The following ACYP2 variants were observed in gnomAD, a reference collection of about 807,000 sequenced individuals.
ACYP2 encodes acylphosphatase-2.
In ACYP2, 12 loss-of-function variants were observed where a neutral mutation model predicts 11.2. The observed-to-expected ratio is 1.08, with a 90% confidence interval of 0.69 to 1.74. ACYP2 has a LOEUF of 1.74. Among genes scored for constraint, ACYP2 ranks in the 40% most tolerant of loss-of-function variants. The pLI is 0.00. For missense variants in ACYP2, 134 were observed against 101.9 expected, an observed-to-expected ratio of 1.31 and a Z score of -1.35; for synonymous variants, 43 against 32.2, an observed-to-expected ratio of 1.33 and a Z score of -1.13.
At chr2:53,980,594 G>C (rs1168396219) in intron 2 of ACYP2, among the ~76,000 whole-genome samples, 1 of 152,002 alleles carries the variant, frequency 6.6e-6, no homozygotes, top group Non-Finnish European at 1.5e-5. Context: ...TATAAATTTA[G>C]TGTAGCCTAA....
chr2:54,199,834 T>G (rs1684683693), intron 6 of ACYP2, among the ~76,000 whole-genome samples: 1 of 152,228 alleles, frequency 6.6e-6, no homozygotes, highest in South Asian at 2.1e-4. Context: ...TGCACTGCAC[T>G]GTTCTGTCAT....
chr2:54,151,304 C>G (rs1682158716), intron 6 of ACYP2, among the ~76,000 whole-genome samples: 1 of 152,166 alleles, frequency 6.6e-6, no homozygotes, highest in Non-Finnish European at 1.5e-5. Flanking sequence ...TAGGTGGTGT[C>G]AGATTCAAAG....
At chr2:54,124,859 T>C (rs1457822168) in intron 4 of ACYP2, among the ~76,000 whole-genome samples, 2 of 152,144 alleles carry the variant, frequency 1.3e-5, no homozygotes, top group African/African-American at 4.8e-5. Flanking sequence ...AGTGCTATCA[T>C]GTGCTATCTA....
intron 1 of ACYP2, chr2:53,971,460 C>G (rs1187311131): frequency 6.6e-6 from 1 of 152,278 alleles, no homozygotes; most frequent in Admixed American, 6.5e-5. Context: ...TTTTCTGTCC[C>G]CTTTAAGTCC....
intron 6 of ACYP2, among the ~76,000 whole-genome samples, chr2:54,177,965 C>T (rs1158381749): frequency 5.0e-4 from 74 of 146,728 alleles, no homozygotes; most frequent in Admixed American, 3.7e-3. Flanking sequence ...AGTGCAGTGG[C>T]GCCATCTCGG....
Position 54,192,233 on chromosome 2 carries a change from G to A in ACYP2, c.404+53485G>A, listed in dbSNP as rs192855240. 2.0e-5 allele frequency among the ~76,000 whole-genome samples: 3 copies of A among 152,114 alleles called. No homozygotes were observed. The East Asian group carries it at 5.8e-4, about 29-fold the overall frequency. On this transcript the variant is annotated intron_variant, in intron 6 of 6. Transcript: ENST00000607452. ...TTCTTGGGAAATATTTTTTTCTCCTGTATCTGAAAGTATGTCCTTCTTTTT... is the reference window on the plus strand; with the variant it reads ...TTCTTGGGAAATATTTTTTTCTCCTATATCTGAAAGTATGTCCTTCTTTTT...
At chr2:54,229,150 T>C (rs1040150188) in intron 6 of ACYP2, among the ~76,000 whole-genome samples, 2 of 152,124 alleles carry the variant, frequency 1.3e-5, no homozygotes, top group East Asian at 1.9e-4. Flanking sequence ...AAGAGACTTA[T>C]TTTCCTAACT....
At chr2:54,010,737 CTTTTTTTTTTTTTT>C (rs539896151) in intron 2 of ACYP2, among the ~76,000 whole-genome samples, 3 of 107,664 alleles carry the variant, frequency 2.8e-5, no homozygotes, top group African/African-American at 1.1e-4. Flanking sequence ...TTCTTTCTTT[CTTTTTTTTTTTTTT>C]TTTTTTTTTT....
At chr2:53,992,151 C>G (rs1216036785) in intron 2 of ACYP2, among the ~76,000 whole-genome samples, 1 of 145,942 alleles carries the variant, frequency 6.9e-6, no homozygotes, top group Non-Finnish European at 1.5e-5. Flanking sequence ...TCCTTTCTTT[C>G]TTTCCTTCCT....
intron 6 of ACYP2, among the ~76,000 whole-genome samples, chr2:54,193,656 A>G (rs1684333078): frequency 1.3e-5 from 2 of 152,184 alleles, no homozygotes; most frequent in African/African-American, 4.8e-5. Context: ...GTGAATTTAT[A>G]CTCATGATGA....
intron 6 of ACYP2, among the ~76,000 whole-genome samples, chr2:54,303,091 C>T (rs934855694): frequency 6.6e-6 from 1 of 152,288 alleles, no homozygotes; most frequent in Admixed American, 6.5e-5. Context: ...CATGGTGGCT[C>T]ACACCTGTCA....
intron 6 of ACYP2, among the ~76,000 whole-genome samples, chr2:54,171,672 C>T (rs7592598): frequency 0.013 from 1,946 of 152,074 alleles, 56 homozygotes; most frequent in African/African-American, 0.044. Flanking sequence ...CTTTTTTCAC[C>T]CCTTTCATTA....
At chr2:53,996,138 C>T (rs952216898) in intron 2 of ACYP2, among the ~76,000 whole-genome samples, 69 of 150,610 alleles carry the variant, frequency 4.6e-4, no homozygotes, top group Non-Finnish European at 8.9e-4. Context: ...CTGTCCCCAC[C>T]ACCCAAAAAA....
At chr2:54,286,236 A>C (rs1170776403) in intron 6 of ACYP2, among the ~76,000 whole-genome samples, 2 of 151,992 alleles carry the variant, frequency 1.3e-5, no homozygotes, top group Non-Finnish European at 2.9e-5. Flanking sequence ...AATGCAGTAC[A>C]TTGTAGAGTA....
chr2:54,181,381 AAGTCC>A (rs1683717810), intron 6 of ACYP2, among the ~76,000 whole-genome samples: 1 of 152,152 alleles, frequency 6.6e-6, no homozygotes, highest in Admixed American at 6.6e-5. Context: ...ACTAGAACTG[AAGTCC>A]AGCTTTATCA....
At chr2:54,039,914 G>T (rs1486425306) in intron 2 of ACYP2, among the ~76,000 whole-genome samples, 9 of 148,984 alleles carry the variant, frequency 6.0e-5, no homozygotes, top group Non-Finnish European at 1.3e-4. Context: ...GGAGTGTGGT[G>T]GTACAATCAT....
At chr2:54,278,251 T>C (rs1688699345) in intron 6 of ACYP2, among the ~76,000 whole-genome samples, 1 of 152,256 alleles carries the variant, frequency 6.6e-6, no homozygotes, top group African/African-American at 2.4e-5. Context: ...TTGCTGGGAT[T>C]ACAGGCGTCA....
At chr2:54,111,590 C>G (rs1679465017) in intron 4 of ACYP2, among the ~76,000 whole-genome samples, 1 of 152,218 alleles carries the variant, frequency 6.6e-6, no homozygotes, top group Non-Finnish European at 1.5e-5. Context: ...AAGATTAAAG[C>G]CTCTTCTGGG....
At chr2:54,097,965 C>CTTTT (rs527656550) in intron 4 of ACYP2, among the ~76,000 whole-genome samples, 1 of 117,224 alleles carries the variant, frequency 8.5e-6, no homozygotes. Flanking sequence ...TCCTTCCTTC[C>CTTTT]TTTTTTTTTT....
Sources: allele counts gnomAD v4.1 joint callset (sites outside exome capture counted in the v4.1 genomes callset), GRCh38; gene constraint gnomAD v4.1.1; transcripts MANE v1.5; gene names NCBI Gene and HGNC (gene_info 2026-07-23, HGNC 2026-07-21).